The following EYS variants were observed in gnomAD, a reference collection of about 807,000 sequenced individuals.
EYS encodes the protein EGF-like photoreceptor maintenance factor, also known as protein eyes shut homolog.
In EYS, 250 loss-of-function variants were observed where a neutral mutation model predicts 282.1. That is an observed-to-expected ratio of 0.89 (90% CI 0.80 to 0.98). The LOEUF (loss-of-function observed/expected upper bound fraction) is 0.98. Among genes scored for constraint, EYS ranks in the 50% least tolerant of loss-of-function variants. The probability of loss-of-function intolerance (pLI) is 0.00; values close to 1 mark genes in which losing one functional copy is unlikely to be tolerated. For missense variants in EYS, 4,016 were observed against 3,709.0 expected, an observed-to-expected ratio of 1.08 and a Z score of -2.15; for synonymous variants, 1,355 against 1,282.9, an observed-to-expected ratio of 1.06 and a Z score of -1.20.
At chr6:64,549,309 A>G (rs902924172) in intron 26 of EYS, among the ~76,000 whole-genome samples, 2 of 152,294 alleles carry the variant, frequency 1.3e-5, no homozygotes, top group East Asian at 1.9e-4. Context: ...GAAGATGCCA[A>G]TGGTACTGCT....
intron 2 of EYS, among the ~76,000 whole-genome samples, chr6:65,569,801 A>G (rs1347104190): frequency 1.3e-5 from 2 of 152,122 alleles, no homozygotes; most frequent in Non-Finnish European, 2.9e-5. Context: ...ATTATCCTCA[A>G]AAAGATCCAG....
At chr6:64,076,608 G>A (rs1379708358) in intron 32 of EYS, among the ~76,000 whole-genome samples, 1 of 151,744 alleles carries the variant, frequency 6.6e-6, no homozygotes, top group African/African-American at 2.4e-5. Flanking sequence ...TTCCCCTTTT[G>A]CTTGGCTGTC....
intron 31 of EYS, among the ~76,000 whole-genome samples, chr6:64,170,774 A>G (rs1295782126): frequency 1.3e-5 from 2 of 151,900 alleles, no homozygotes; most frequent in Non-Finnish European, 2.9e-5. Context: ...AGTTCAACCC[A>G]TAAGAATAAA....
At chr6:63,864,693 A>C (rs898860799) in intron 35 of EYS, among the ~76,000 whole-genome samples, 3 of 152,190 alleles carry the variant, frequency 2.0e-5, no homozygotes, top group African/African-American at 7.2e-5. Flanking sequence ...TGCCTTAATA[A>C]AGTGCATCAA....
chr6:64,254,222 A>G (rs78075302), intron 30 of EYS, among the ~76,000 whole-genome samples: 2,127 of 152,170 alleles, frequency 0.014, 26 homozygotes, highest in Non-Finnish European at 0.021. Context: ...ATTTTAAAAC[A>G]TTTCTCAGGA....
At chr6:63,805,737 TAGTG>T (rs766544180) in intron 37 of EYS, among the ~76,000 whole-genome samples, 53 of 152,314 alleles carry the variant, frequency 3.5e-4, no homozygotes, top group Non-Finnish European at 6.3e-4. Context: ...GTTCTCGTGA[TAGTG>T]AGTGAGTTCT....
intron 28 of EYS, among the ~76,000 whole-genome samples, chr6:64,406,101 G>A (rs1250109000): frequency 3.9e-5 from 6 of 152,034 alleles, no homozygotes. Context: ...GGTACTGGTA[G>A]CAAAACAGAT....
chr6:64,628,237 C>A lies in EYS; in HGVS notation c.3444-1992G>T, dbSNP rs1342511549. On this transcript the variant is annotated intron_variant, in intron 22 of 42. Coordinates refer to ENST00000503581, the MANE Select transcript of EYS (RefSeq NM_001142800.2). Reference sequence around the variant, plus strand: ...CCCATCTTTGTAGCAAAAAGAAACCCATAGCAGTGTTTTTTTTTTTTTTGA... The same window carrying A: ...CCCATCTTTGTAGCAAAAAGAAACCAATAGCAGTGTTTTTTTTTTTTTTGA... Among the ~76,000 whole-genome samples the A allele has an allele frequency of 2.5e-5, 3 of 118,140 alleles. No individual in the cohort carries two copies. In the South Asian group the frequency reaches 9.8e-4, roughly 39 times the overall value. The allele number at this position is 118,140 out of a possible 152,430, so 77.5% of individuals were successfully genotyped here.
chr6:65,221,301 C>T (rs1299023166), intron 12 of EYS, among the ~76,000 whole-genome samples: 1 of 152,168 alleles, frequency 6.6e-6, no homozygotes, highest in Non-Finnish European at 1.5e-5. Context: ...AGCAGCCCCT[C>T]CCATCACATG....
intron 12 of EYS, among the ~76,000 whole-genome samples, chr6:65,094,517 A>G (rs1464856855): frequency 6.6e-6 from 1 of 151,346 alleles, no homozygotes; most frequent in Non-Finnish European, 1.5e-5. Flanking sequence ...TTGAAGTCTT[A>G]CCAAGTATTA....
chr6:65,062,866 C>T (rs543315740), intron 12 of EYS, among the ~76,000 whole-genome samples: 143 of 152,110 alleles, frequency 9.4e-4, no homozygotes, highest in Non-Finnish European at 1.8e-3. Context: ...AAACTTATTA[C>T]ACACATAGAC....
At chr6:65,158,705 G>C (rs145880143) in intron 12 of EYS, among the ~76,000 whole-genome samples, 1 of 150,836 alleles carries the variant, frequency 6.6e-6, no homozygotes, top group Non-Finnish European at 1.5e-5. Context: ...CTAAATGAAA[G>C]TATTGTAATT....
At chr6:63,790,519 A>G (rs796216781) in intron 37 of EYS, among the ~76,000 whole-genome samples, 68 of 152,326 alleles carry the variant, frequency 4.5e-4, no homozygotes, top group African/African-American at 1.5e-3. Context: ...GACCGAGTAC[A>G]TTGGGAACTT....
chr6:64,087,522 T>C (rs1420724072), intron 31 of EYS, among the ~76,000 whole-genome samples: 1 of 152,090 alleles, frequency 6.6e-6, no homozygotes, highest in East Asian at 1.9e-4. Flanking sequence ...TCATCTATCC[T>C]CCTACAGTAT....
chr6:64,440,067 G>A (rs1320575006), intron 26 of EYS, among the ~76,000 whole-genome samples: 1 of 151,230 alleles, frequency 6.6e-6, no homozygotes, highest in South Asian at 2.1e-4. Context: ...TTTGAATATC[G>A]CCTTTCTTCC....
chr6:64,135,947 G>A (rs547657836), intron 31 of EYS, among the ~76,000 whole-genome samples: 42 of 152,050 alleles, frequency 2.8e-4, no homozygotes, highest in African/African-American at 9.6e-4. Flanking sequence ...CACATTAATT[G>A]ACTTACAAAA....
chr6:63,900,234 A>T (rs965688570), intron 35 of EYS, among the ~76,000 whole-genome samples: 5 of 152,208 alleles, frequency 3.3e-5, no homozygotes, highest in Admixed American at 3.3e-4. Context: ...AATAACAATA[A>T]AAATGCAATA....
chr6:64,903,229 A>G (rs1181863623), intron 16 of EYS, among the ~76,000 whole-genome samples: 1 of 152,086 alleles, frequency 6.6e-6, no homozygotes, highest in Non-Finnish European at 1.5e-5. Context: ...TCTTGTTAAT[A>G]TTTTTTCTGT....
In EYS at chr6:64,965,479, T is replaced by A. The variant is rs9351474; in HGVS notation, c.2260-19565A>T. On this transcript the variant is annotated intron_variant, in intron 14 of 42. Coordinates refer to ENST00000503581, the MANE Select transcript of EYS (RefSeq NM_001142800.2). ...TATATTTGTAAATGTGCTGATTAAC[T>A]TGTCACTAATTGAAGAATCATATAA... Among the ~76,000 whole-genome samples, 674 of 152,166 alleles carry A rather than the reference T, an allele frequency of 4.4e-3. 2 individuals carry two copies. The highest frequency in any genetic ancestry group is 0.033 in the East Asian group (173 of 5,182).
Sources: allele counts gnomAD v4.1 joint callset (sites outside exome capture counted in the v4.1 genomes callset), GRCh38; gene constraint gnomAD v4.1.1; transcripts MANE v1.5; gene names NCBI Gene and HGNC (gene_info 2026-07-23, HGNC 2026-07-21).